Variants in NDUFAF2 observed in about 807,000 individuals in gnomAD.
The protein encoded by NDUFAF2 is NADH:ubiquinone oxidoreductase complex assembly factor 2.
NDUFAF2 carries 13 observed loss-of-function variants against 22.8 expected under a neutral mutation model. That is an observed-to-expected ratio of 0.57 (90% CI 0.37 to 0.91). The LOEUF (loss-of-function observed/expected upper bound fraction) is 0.91, where lower values mean the gene tolerates loss of function less well. Among genes scored for constraint, NDUFAF2 ranks in the 40% least tolerant of loss-of-function variants. The probability of loss-of-function intolerance (pLI) is 0.01; values close to 1 mark genes in which losing one functional copy is unlikely to be tolerated. For missense variants in NDUFAF2, 162 were observed against 195.2 expected, an observed-to-expected ratio of 0.83 and a Z score of 1.01; for synonymous variants, 53 against 64.2, an observed-to-expected ratio of 0.83 and a Z score of 0.84.
chr5:61,118,173 T>A (rs1752936047), intron 3 of NDUFAF2, among the ~76,000 whole-genome samples: 1 of 152,200 alleles, frequency 6.6e-6, no homozygotes, highest in African/African-American at 2.4e-5. Flanking sequence ...CCCTTTTCCG[T>A]ACTAAATCTT....
chr5:60,999,109 A>G (rs1751264053), intron 1 of NDUFAF2, among the ~76,000 whole-genome samples: 1 of 152,022 alleles, frequency 6.6e-6, no homozygotes, highest in Non-Finnish European at 1.5e-5. Flanking sequence ...AAGGAGCATA[A>G]AAGTTCTCAA....
At chr5:61,014,107 C>T (rs55814394) in intron 1 of NDUFAF2, among the ~76,000 whole-genome samples, 62,711 of 152,032 alleles carry the variant, frequency 0.41, 13,845 homozygotes, top group East Asian at 0.81. Context: ...GGCTGGTCCC[C>T]AGAAAGACCA....
intron 1 of NDUFAF2, among the ~76,000 whole-genome samples, chr5:60,964,910 GTGCC>G (rs1414951033): frequency 1.3e-5 from 2 of 152,086 alleles, no homozygotes; most frequent in East Asian, 3.9e-4. Context: ...TTTGACCCAG[GTGCC>G]TTACCATTTT....
At chr5:61,046,902 A>G (rs111915111) in intron 1 of NDUFAF2, among the ~76,000 whole-genome samples, 1,999 of 152,270 alleles carry the variant, frequency 0.013, 18 homozygotes, top group Non-Finnish European at 0.022. Flanking sequence ...CCAAAATCAT[A>G]TTTGTTCCCC....
chr5:61,005,761 A>G (rs1751358286), intron 1 of NDUFAF2, among the ~76,000 whole-genome samples: 1 of 152,062 alleles, frequency 6.6e-6, no homozygotes, highest in Non-Finnish European at 1.5e-5. Context: ...GTCTGTTCAT[A>G]TCGTTTGCCC....
chr5:60,970,537 G>GT (rs1232805974), intron 1 of NDUFAF2, among the ~76,000 whole-genome samples: 1 of 152,010 alleles, frequency 6.6e-6, no homozygotes, highest in Non-Finnish European at 1.5e-5. Flanking sequence ...ACTGATTTTT[G>GT]TATGTTGATT....
At chr5:61,065,997 T>C (rs1752222869) in intron 1 of NDUFAF2, among the ~76,000 whole-genome samples, 1 of 151,916 alleles carries the variant, frequency 6.6e-6, no homozygotes, top group Non-Finnish European at 1.5e-5. Flanking sequence ...ATGAATTCAG[T>C]AAAGTTACAG....
intron 2 of NDUFAF2, among the ~76,000 whole-genome samples, chr5:61,077,928 C>T (rs1752390196): frequency 6.6e-6 from 1 of 152,126 alleles, no homozygotes; most frequent in Admixed American, 6.5e-5. Flanking sequence ...GCAACTAGAA[C>T]CCAGATTTGA....
intron 2 of NDUFAF2, among the ~76,000 whole-genome samples, chr5:61,074,595 C>CA (rs1305913915): frequency 4.2e-5 from 6 of 143,112 alleles, no homozygotes; most frequent in East Asian, 2.1e-4. Flanking sequence ...CAGAAAATAA[C>CA]AAAAAATTCA....
At chr5:60,995,358 G>A (rs1360889284) in intron 1 of NDUFAF2, among the ~76,000 whole-genome samples, 4 of 152,168 alleles carry the variant, frequency 2.6e-5, no homozygotes, top group Admixed American at 2.6e-4. Flanking sequence ...AAAGGACTTG[G>A]TGTTGTGTTC....
chr5:60,994,140 G>T (rs897814260), intron 1 of NDUFAF2, among the ~76,000 whole-genome samples: 52 of 152,242 alleles, frequency 3.4e-4, no homozygotes, highest in African/African-American at 1.2e-3. Context: ...CCCTGATCAT[G>T]GCACACACCC....
At chr5:61,011,829 G>A (rs561162226) in intron 1 of NDUFAF2, among the ~76,000 whole-genome samples, 9 of 152,058 alleles carry the variant, frequency 5.9e-5, no homozygotes, top group African/African-American at 1.2e-4. Context: ...CGTTATACCC[G>A]AACTCAATGC....
At chr5:60,989,259 A>G (rs1304688475) in intron 1 of NDUFAF2, among the ~76,000 whole-genome samples, 2 of 152,286 alleles carry the variant, frequency 1.3e-5, no homozygotes, top group South Asian at 2.1e-4. Context: ...TCAAAAAATT[A>G]CAGATGCTGG....
chr5:61,118,141 A>C (rs190338581), intron 3 of NDUFAF2, among the ~76,000 whole-genome samples: 10 of 152,068 alleles, frequency 6.6e-5, no homozygotes, highest in Non-Finnish European at 1.3e-4. Flanking sequence ...TCTGTCTCCC[A>C]CTTTTCAGAA....
intron 1 of NDUFAF2, among the ~76,000 whole-genome samples, chr5:61,042,320 T>C (rs939563998): frequency 6.6e-6 from 1 of 152,154 alleles, no homozygotes; most frequent in African/African-American, 2.4e-5. Flanking sequence ...AGATATGTTC[T>C]ATGTATTAAT....
chr5:61,106,447 C>T (rs1444306810), intron 3 of NDUFAF2, among the ~76,000 whole-genome samples: 2 of 151,122 alleles, frequency 1.3e-5, no homozygotes, highest in Non-Finnish European at 2.9e-5. Context: ...TTAGAAGGTT[C>T]TTGAGATATT....
chr5:61,077,445 A>T (rs1398141242), intron 2 of NDUFAF2, among the ~76,000 whole-genome samples: 1 of 152,220 alleles, frequency 6.6e-6, no homozygotes, highest in Non-Finnish European at 1.5e-5. Context: ...TTTGTCTGAC[A>T]AAAATAGTTC....
At chr5:61,075,549 A>G (rs575160540) in intron 2 of NDUFAF2, among the ~76,000 whole-genome samples, 1 of 152,282 alleles carries the variant, frequency 6.6e-6, no homozygotes, top group East Asian at 1.9e-4. Flanking sequence ...TATAGAATTA[A>G]GATGTTTATA....
chr5:61,030,052 C>T (rs1228868390), intron 1 of NDUFAF2, among the ~76,000 whole-genome samples: 2 of 152,072 alleles, frequency 1.3e-5, no homozygotes, highest in Non-Finnish European at 2.9e-5. Context: ...CTCATTCAGC[C>T]CTGGTTGATA....
Sources: allele counts gnomAD v4.1 joint callset (sites outside exome capture counted in the v4.1 genomes callset), GRCh38; gene constraint gnomAD v4.1.1; transcripts MANE v1.5; gene names NCBI Gene and HGNC (gene_info 2026-07-23, HGNC 2026-07-21).